PRKCI: variants seen among roughly 807,000 people sequenced by gnomAD.
PRKCI encodes the protein protein kinase C iota.
A neutral mutation model predicts 84.0 loss-of-function variants in PRKCI; 43 were observed. That is an observed-to-expected ratio of 0.51 (90% CI 0.40 to 0.66). The LOEUF (loss-of-function observed/expected upper bound fraction) is 0.66, where lower values mean the gene tolerates loss of function less well. Among genes scored for constraint, PRKCI ranks in the 30% least tolerant of loss-of-function variants. PRKCI has a pLI of 0.00. For missense variants in PRKCI, 459 were observed against 745.6 expected (o/e 0.62, Z 4.48); for synonymous variants, 216 against 234.4 (o/e 0.92, Z 0.72).
intron 1 of PRKCI, among the ~76,000 whole-genome samples, chr3:170,228,146 A>T (rs974838411): frequency 1.3e-5 from 2 of 152,226 alleles, no homozygotes; most frequent in African/African-American, 4.8e-5. Flanking sequence ...AGAATGGAGC[A>T]ATTATTTATT....
At chr3:170,252,732 A>G (rs1449218598) in intron 2 of PRKCI, among the ~76,000 whole-genome samples, 1 of 151,942 alleles carries the variant, frequency 6.6e-6, no homozygotes, top group Non-Finnish European at 1.5e-5. Flanking sequence ...CTGAGACTAC[A>G]GGCTTGAGCC....
chr3:170,231,221 G>A (rs1271527089), intron 1 of PRKCI, among the ~76,000 whole-genome samples: 7 of 151,588 alleles, frequency 4.6e-5, no homozygotes, highest in Admixed American at 3.3e-4. Flanking sequence ...TCGGCCTCCC[G>A]GAGTGTTGAG....
At position 170,303,832 on chromosome 3, in the gene PRKCI, A is replaced by G. The variant is rs1331629155; in HGVS notation, c.*705A>G. On this transcript the variant is annotated 3_prime_UTR_variant, in exon 18 of 18. Transcript: ENST00000295797. The stretch of plus-strand genomic sequence containing the variant: ...GTCAACATGGTGAAATCCTGTCTCT[A>G]CTAAAAATACAAAAATTAGCTGGGC... The G allele has an allele frequency of 1.1e-5, 2 of 178,790 alleles. No homozygotes were observed. Among genetic ancestry groups the G allele is most frequent in the African/African-American group, 2.4e-5 (1 of 42,306 alleles). The allele number at this position is 178,790 out of a possible 1,614,324, so 11.1% of individuals were successfully genotyped here.
At chr3:170,235,857 G>T (rs117783031) in intron 2 of PRKCI, among the ~76,000 whole-genome samples, 2,388 of 151,856 alleles carry the variant, frequency 0.016, 41 homozygotes, top group East Asian at 0.086. Context: ...GAGCCACTGT[G>T]CCCAGCCTAA....
At chr3:170,289,065 T>C (rs980264688) in intron 12 of PRKCI, among the ~76,000 whole-genome samples, 1 of 152,214 alleles carries the variant, frequency 6.6e-6, no homozygotes, top group East Asian at 1.9e-4. Context: ...TCTAATAATA[T>C]CTGTTATGCT....
chr3:170,222,478 C>A lies in PRKCI; in HGVS notation c.-192C>A. ...CTGTAGAGGCGGCGGCGCCTACGGG[C>A]AGTGGGAGGAGCCGCGCGGTTCCGG... On this transcript the variant is annotated 5_prime_UTR_variant, in exon 1 of 18. Coordinates refer to ENST00000295797, the MANE Select transcript of PRKCI (RefSeq NM_002740.6). 4.2e-6 allele frequency: 2 copies of A among 474,854 alleles called. No individual in the cohort carries two copies. Among genetic ancestry groups the A allele is most frequent in the South Asian group, 4.4e-5 (1 of 22,968 alleles). 29.4% of individuals were successfully genotyped at this position (474,854 alleles called of 1,614,324 possible). A position where few individuals can be genotyped will look rare whatever the true frequency, so the allele number is the denominator to read the frequency against.
chr3:170,293,695 C>G (rs1734625301), intron 14 of PRKCI, among the ~76,000 whole-genome samples, 187 bp downstream of exon 14: 1 of 152,134 alleles, frequency 6.6e-6, no homozygotes, highest in Non-Finnish European at 1.5e-5. Flanking sequence ...CTCTTTTGCC[C>G]AGGCTGGAGT....
chr3:170,240,545 T>C (rs879613087), intron 2 of PRKCI, among the ~76,000 whole-genome samples: 1 of 152,204 alleles, frequency 6.6e-6, no homozygotes, highest in Non-Finnish European at 1.5e-5. Context: ...AATCTTTTCT[T>C]AATTTTAGGC....
Position 170,303,195 on chromosome 3 carries a change from C to G in PRKCI, c.*68C>G, listed in dbSNP as rs1734865280. 7 of 1,246,060 alleles carry G rather than the reference C, an allele frequency of 5.6e-6. No homozygotes were observed. In the Admixed American group the frequency reaches 6.3e-5, roughly 11 times the overall value. The allele number at this position is 1,246,060 out of a possible 1,614,324, so 77.2% of individuals were successfully genotyped here. A position where few individuals can be genotyped will look rare whatever the true frequency, so the allele number is the denominator to read the frequency against. Reference sequence around the variant, plus strand: ...ATGCATGGATAAACTTGCTGCAAGCCTGGATACAATTAACCATTTTATATT... The same window carrying G: ...ATGCATGGATAAACTTGCTGCAAGCGTGGATACAATTAACCATTTTATATT... On this transcript the variant is annotated 3_prime_UTR_variant, in exon 18 of 18. Coordinates refer to ENST00000295797, the MANE Select transcript of PRKCI (RefSeq NM_002740.6).
intron 4 of PRKCI, among the ~76,000 whole-genome samples, chr3:170,265,386 T>C (rs1733834298): frequency 6.6e-6 from 1 of 152,218 alleles, no homozygotes; most frequent in South Asian, 2.1e-4. Flanking sequence ...CAATGGTTAC[T>C]ATTAATGAGA....
intron 1 of PRKCI, among the ~76,000 whole-genome samples, chr3:170,230,782 G>A (rs1309455303): frequency 1.3e-5 from 2 of 151,960 alleles, no homozygotes; most frequent in Non-Finnish European, 2.9e-5. Context: ...GATTTGAAAT[G>A]GTAACTCTGT....
At chr3:170,236,325 T>G (rs1046391606) in intron 2 of PRKCI, among the ~76,000 whole-genome samples, 1 of 151,836 alleles carries the variant, frequency 6.6e-6, no homozygotes, top group African/African-American at 2.4e-5. Flanking sequence ...GGTCTTGAAC[T>G]CCTGGCCTCA....
At chr3:170,239,787 G>A (rs1329481724) in intron 2 of PRKCI, among the ~76,000 whole-genome samples, 2 of 151,246 alleles carry the variant, frequency 1.3e-5, no homozygotes, top group Non-Finnish European at 2.9e-5. Context: ...TGAGAGCAGA[G>A]GTCTTGTCTG....
chr3:170,222,633 C>T lies in PRKCI; in HGVS notation c.-37C>T. The T allele has an allele frequency of 2.6e-6, 4 of 1,512,050 alleles. No individual in the cohort carries two copies. The highest frequency in any genetic ancestry group is 1.2e-5 in the South Asian group (1 of 80,714). The allele number at this position is 1,512,050 out of a possible 1,614,324, so 93.7% of individuals were successfully genotyped here. A position where few individuals can be genotyped will look rare whatever the true frequency, so the allele number is the denominator to read the frequency against. On this transcript the variant is annotated 5_prime_UTR_variant, in exon 1 of 18. Coordinates refer to ENST00000295797, the MANE Select transcript of PRKCI (RefSeq NM_002740.6). ...ACGGCGCCCGAAGCGCCCCCCCGCA[C>T]CCCCGGCCTCCAGCGTTGAGGCGGG... is the stretch of plus-strand genomic sequence containing the variant.
At chr3:170,239,672 C>G (rs1478393672) in intron 2 of PRKCI, among the ~76,000 whole-genome samples, 1 of 152,016 alleles carries the variant, frequency 6.6e-6, no homozygotes, top group Non-Finnish European at 1.5e-5. Flanking sequence ...GTCATGTCCT[C>G]CAAGAAGCCT....
intron 12 of PRKCI, among the ~76,000 whole-genome samples, chr3:170,291,435 G>T (rs1482758336): frequency 6.6e-6 from 1 of 152,146 alleles, no homozygotes; most frequent in Non-Finnish European, 1.5e-5. Flanking sequence ...GATGGCTCAT[G>T]CCTGTAATCC....
At chr3:170,249,132 G>C (rs553455163) in intron 2 of PRKCI, among the ~76,000 whole-genome samples, 2 of 152,174 alleles carry the variant, frequency 1.3e-5, no homozygotes, top group South Asian at 4.1e-4. Context: ...ACAGGCATGA[G>C]CTACCGCGCC....
At chr3:170,264,230 G>A (rs1174969976) in intron 4 of PRKCI, among the ~76,000 whole-genome samples, 1 of 146,702 alleles carries the variant, frequency 6.8e-6, no homozygotes, top group Non-Finnish European at 1.5e-5. Context: ...TTAGGAATTG[G>A]CTTTTTTTTT....
chr3:170,238,594 CTTT>C (rs1231292323), intron 2 of PRKCI, among the ~76,000 whole-genome samples: 10 of 125,094 alleles, frequency 8.0e-5, no homozygotes, highest in Admixed American at 8.1e-5. Flanking sequence ...CATTTCTTTT[CTTT>C]TTTTTTTTTT....
Sources: allele counts gnomAD v4.1 joint callset (sites outside exome capture counted in the v4.1 genomes callset), GRCh38; gene constraint gnomAD v4.1.1; transcripts MANE v1.5; gene names NCBI Gene and HGNC (gene_info 2026-07-23, HGNC 2026-07-21).